RPGRIP1: variants seen among roughly 807,000 people sequenced by gnomAD.
RPGRIP1 encodes X-linked retinitis pigmentosa GTPase regulator-interacting protein 1.
A neutral mutation model predicts 157.9 loss-of-function variants in RPGRIP1; 128 were observed. The observed-to-expected ratio is 0.81, with a 90% confidence interval of 0.70 to 0.94. RPGRIP1 has a LOEUF of 0.94. Among genes scored for constraint, RPGRIP1 ranks in the 40% least tolerant of loss-of-function variants. RPGRIP1 has a pLI of 0.00. For synonymous variants in RPGRIP1, 554 were observed against 571.6 expected, an observed-to-expected ratio of 0.97 and a Z score of 0.44; for missense variants, 1,486 against 1,545.8, an observed-to-expected ratio of 0.96 and a Z score of 0.65.
intron 6 of RPGRIP1, among the ~76,000 whole-genome samples, chr14:21,305,785 C>A (rs566211291): frequency 6.6e-6 from 1 of 152,012 alleles, no homozygotes; most frequent in South Asian, 2.1e-4. Flanking sequence ...AGCTTGAACC[C>A]GAGAGGCAGG....
intron 6 of RPGRIP1, 39 bp from the exon 7 acceptor site, chr14:21,307,692 C>A: frequency 7.9e-7 from 1 of 1,273,498 alleles, no homozygotes; most frequent in Non-Finnish European, 1.1e-6. Flanking sequence ...TTAATTCTAT[C>A]CATGTTCAGA....
intron 3 of RPGRIP1, among the ~76,000 whole-genome samples, chr14:21,295,676 A>C (rs1246021129): frequency 6.6e-6 from 1 of 151,608 alleles, no homozygotes; most frequent in Non-Finnish European, 1.5e-5. Flanking sequence ...GGGTTTCTCC[A>C]TGTTGGTCAG....
intron 24 of RPGRIP1, among the ~76,000 whole-genome samples, chr14:21,350,102 G>A (rs938173836): frequency 3.3e-5 from 5 of 152,156 alleles, no homozygotes; most frequent in African/African-American, 9.7e-5. Flanking sequence ...AAGGCCAGGC[G>A]AGGTGGCTCA....
chr14:21,317,049 GGCAGAGGTT>G (rs1398887506), intron 10 of RPGRIP1, among the ~76,000 whole-genome samples: 1 of 151,926 alleles, frequency 6.6e-6, no homozygotes, highest in African/African-American at 2.4e-5. Context: ...GAACCTGGGA[GGCAGAGGTT>G]GCAGTGAGCC....
chr14:21,321,744 C>A, intron 13 of RPGRIP1, 110 bp from the exon 14 acceptor site: 1 of 1,088,266 alleles, frequency 9.2e-7, no homozygotes, highest in Non-Finnish European at 1.3e-6. Context: ...AGTGGGTGAA[C>A]CTGCCCAGCT....
At chr14:21,286,623 C>T (rs1880309928) in intron 1 of RPGRIP1, among the ~76,000 whole-genome samples, 1 of 151,578 alleles carries the variant, frequency 6.6e-6, no homozygotes, top group Non-Finnish European at 1.5e-5. Context: ...AGTGAAACCC[C>T]ATCTCTACTA....
chr14:21,295,444 C>CATTTATTT (rs149841857), intron 3 of RPGRIP1, among the ~76,000 whole-genome samples: 9 of 145,874 alleles, frequency 6.2e-5, no homozygotes, highest in Non-Finnish European at 1.3e-4. Flanking sequence ...GCTATCTATA[C>CATTTATTT]ATTTATTTAT....
chr14:21,288,491 A>G (rs943703822), intron 2 of RPGRIP1, among the ~76,000 whole-genome samples: 1 of 144,988 alleles, frequency 6.9e-6, no homozygotes, highest in Non-Finnish European at 1.5e-5. Context: ...CTCTTCTCAC[A>G]TTTTATTCTT....
At chr14:21,338,269 T>A (rs1009477433) in intron 21 of RPGRIP1, among the ~76,000 whole-genome samples, 1 of 152,222 alleles carries the variant, frequency 6.6e-6, no homozygotes, top group African/African-American at 2.4e-5. Context: ...TCATTTGCTC[T>A]ATGGTCCCAG....
chr14:21,281,718 A>G (rs1880137298), intron 1 of RPGRIP1, among the ~76,000 whole-genome samples: 1 of 146,768 alleles, frequency 6.8e-6, no homozygotes, highest in African/African-American at 2.5e-5. Flanking sequence ...AATAATAATA[A>G]TAATAATAAT....
Position 21,325,839 on chromosome 14 carries a change from G to C in RPGRIP1, c.2376G>C (p.Ser792=), listed in dbSNP as rs185667326. ...GRKAQEEEFR[S]ESWEPQNELW... ...GACCAACATCTTTCCAGTTCAGATC[G>C]GAGTCTTGGGAACCTCAGAACGAGC... The change falls in exon 17 of 25, where the codon TCG becomes TCC. Residue 792 remains serine, a synonymous_variant. Coordinates refer to ENST00000400017, the MANE Select transcript of RPGRIP1 (RefSeq NM_020366.4). 5.0e-6 allele frequency: 8 copies of C among 1,611,406 alleles called. No homozygotes were observed. The East Asian group carries it at 1.6e-4, about 31-fold the overall frequency.
Position 21,310,617 on chromosome 14 carries a change from G to A in RPGRIP1, c.930+10G>A, listed in dbSNP as rs746332573. On this transcript the variant is annotated intron_variant, in intron 8 of 24. Coordinates refer to ENST00000400017, the MANE Select transcript of RPGRIP1 (RefSeq NM_020366.4). ...AACCTTGCTCCAGAAGGTACTTAATGAGAATTGAGTCTCTGTTTCTTAGTA... is the reference window on the plus strand; with the variant it reads ...AACCTTGCTCCAGAAGGTACTTAATAAGAATTGAGTCTCTGTTTCTTAGTA... The A allele has an allele frequency of 6.9e-7, 1 of 1,447,330 alleles. No homozygotes were observed. Among genetic ancestry groups the A allele is most frequent in the Admixed American group, 2.3e-5 (1 of 43,734 alleles). The allele number at this position is 1,447,330 out of a possible 1,614,324, so 89.7% of individuals were successfully genotyped here.
chr14:21,341,195 T>A (rs1376008116), intron 21 of RPGRIP1, among the ~76,000 whole-genome samples: 1 of 152,116 alleles, frequency 6.6e-6, no homozygotes. Context: ...CATGCCTGGC[T>A]AATTTTTGTA....
chr14:21,294,686 T>A lies in RPGRIP1; in HGVS notation c.95T>A (p.Met32Lys), dbSNP rs200510462. The A allele has an allele frequency of 2.1e-3, 3,360 of 1,613,328 alleles. 5 individuals carry two copies. Among genetic ancestry groups the A allele is most frequent in the Non-Finnish European group, 2.7e-3 (3,144 of 1,179,650 alleles). ...LVLPASKGKNMKTQPPLSRMN... is the reference protein window; with the variant it reads ...LVLPASKGKNKKTQPPLSRMN... The stretch of plus-strand genomic sequence containing the variant: ...TTTTCTGGGACTTTAGGTAAGAATA[T>A]GAAAACTCAACCACCCTTGAGCAGG... Residue 32 changes from methionine (M) to lysine (K), a missense_variant, in exon 3 of 25, where the codon ATG becomes AAG. Coordinates refer to ENST00000400017, the MANE Select transcript of RPGRIP1 (RefSeq NM_020366.4).
intron 24 of RPGRIP1, among the ~76,000 whole-genome samples, chr14:21,349,024 CTT>C (rs944035817): frequency 3.4e-5 from 5 of 148,782 alleles, no homozygotes; most frequent in African/African-American, 1.2e-4. Flanking sequence ...GTCATTAAGT[CTT>C]ATCCATTCTA....
rs373491610 is a variant in RPGRIP1, at chr14:21,327,713, G to C, written c.2801G>C (p.Ser934Thr). Residue 934 changes from serine to threonine, a missense_variant, in exon 18 of 25, where the codon AGC becomes ACC. By Grantham distance (58) the Ser-to-Thr change is moderately conservative. Coordinates refer to ENST00000400017, the MANE Select transcript of RPGRIP1 (RefSeq NM_020366.4). ...AAGTTTCCCTACATACCCCCTGAGAGCTTCCTGAAACCAGAAGCTCAGACT... is the reference window on the plus strand; with the variant it reads ...AAGTTTCCCTACATACCCCCTGAGACCTTCCTGAAACCAGAAGCTCAGACT... ...DWKFPYIPPE[S>T]FLKPEAQTKG... The C allele has an allele frequency of 6.2e-7, 1 of 1,613,862 alleles. No homozygotes were observed.
chr14:21,284,298 G>T (rs536509318), intron 1 of RPGRIP1, among the ~76,000 whole-genome samples: 1 of 152,212 alleles, frequency 6.6e-6, no homozygotes, highest in Admixed American at 6.6e-5. Flanking sequence ...CAAAAAGGGA[G>T]AATTTGTTGT....
intron 8 of RPGRIP1, 53 bp downstream of exon 8, chr14:21,310,660 C>T: frequency 9.5e-7 from 1 of 1,054,464 alleles, no homozygotes; most frequent in Non-Finnish European, 1.4e-6. Context: ...TAATCAAACC[C>T]AAAGAAATCT....
intron 7 of RPGRIP1, among the ~76,000 whole-genome samples, chr14:21,308,778 G>A (rs1247483245): frequency 3.3e-5 from 5 of 152,218 alleles, no homozygotes; most frequent in Non-Finnish European, 2.9e-5. Context: ...GGGAAAAGTG[G>A]CTGCTTATAT....
Sources: gnomAD v4.1 joint callset for allele counts (sites outside exome capture counted in the v4.1 genomes callset) on GRCh38, gnomAD v4.1.1 for gene constraint, MANE v1.5 for transcripts, NCBI Gene and HGNC (gene_info 2026-07-23, HGNC 2026-07-21) for gene names.